ROBO1: variants seen among roughly 807,000 people sequenced by gnomAD.
ROBO1 encodes the protein roundabout guidance receptor 1.
Under a neutral mutation model 195.9 loss-of-function variants are expected in ROBO1, and 149 were observed. That is an observed-to-expected ratio of 0.76 (90% confidence interval 0.67 to 0.87). ROBO1 has a LOEUF of 0.87. ROBO1 is among the 40% of genes least tolerant of loss of function. The pLI, the probability that ROBO1 is intolerant of heterozygous loss-of-function variation, is 0.00. For missense variants in ROBO1, 1,933 were observed against 2,068.3 expected (o/e 0.93, Z 1.27); for synonymous variants, 816 against 733.2 (o/e 1.11, Z -1.82).
intron 2 of ROBO1, among the ~76,000 whole-genome samples, chr3:79,527,068 A>G (rs1941462582): frequency 1.3e-5 from 2 of 152,264 alleles, no homozygotes. Context: ...AATGAGCTTT[A>G]TGGTTGTCTG....
intron 3 of ROBO1, among the ~76,000 whole-genome samples, chr3:79,120,994 G>A (rs1451181640): frequency 6.6e-6 from 1 of 152,102 alleles, no homozygotes; most frequent in Admixed American, 6.6e-5. Context: ...GTAGCTTATA[G>A]ACACAACTCA....
rs551171790 is a variant in ROBO1 at position 79,182,996 on chromosome 3, G to A, written c.89-57457C>T. Among the ~76,000 whole-genome samples, 394 of 150,456 alleles carry A rather than the reference G, an allele frequency of 2.6e-3. 2 individuals carry two copies. The highest frequency in any genetic ancestry group is 9.2e-3 in the African/African-American group (374 of 40,862). On this transcript the variant is annotated intron_variant, in intron 2 of 30. Coordinates refer to ENST00000464233, the MANE Select transcript of ROBO1 (RefSeq NM_002941.4). Reference sequence around the variant, plus strand: ...CTCGGGAGGCTGAGGCAGGAGAATCGCTTGAACCCAGGACGCGGAGTTTGC... The same window carrying A: ...CTCGGGAGGCTGAGGCAGGAGAATCACTTGAACCCAGGACGCGGAGTTTGC...
chr3:79,093,569 C>T (rs1325035587), intron 3 of ROBO1, among the ~76,000 whole-genome samples: 2 of 152,018 alleles, frequency 1.3e-5, no homozygotes, highest in Non-Finnish European at 2.9e-5. Context: ...GATGCTGTAT[C>T]TCCTTATTGC....
At chr3:78,744,736 T>G (rs1214940503) in intron 5 of ROBO1, among the ~76,000 whole-genome samples, 1 of 152,178 alleles carries the variant, frequency 6.6e-6, no homozygotes, top group African/African-American at 2.4e-5. Context: ...TTCTCTCTAA[T>G]CAGCCTATTT....
At chr3:79,165,144 G>A (rs2081039611) in intron 2 of ROBO1, among the ~76,000 whole-genome samples, 1 of 152,130 alleles carries the variant, frequency 6.6e-6, no homozygotes, top group Non-Finnish European at 1.5e-5. Context: ...CATCCTGAGA[G>A]CCTAGAATAG....
intron 4 of ROBO1, among the ~76,000 whole-genome samples, chr3:78,849,831 T>TACACATAC (rs1553747415): frequency 0.11 from 8,732 of 79,526 alleles, 367 homozygotes; most frequent in East Asian, 0.23. Context: ...TCTCTCCCAT[T>TACACATAC]ACACACACAC....
chr3:78,998,601 T>C (rs1400673749), intron 3 of ROBO1, among the ~76,000 whole-genome samples: 1 of 152,126 alleles, frequency 6.6e-6, no homozygotes, highest in Non-Finnish European at 1.5e-5. Flanking sequence ...ACCGCTTAAG[T>C]CCTTGTTGTC....
chr3:79,581,706 A>G (rs1341747804), intron 2 of ROBO1, among the ~76,000 whole-genome samples: 1 of 152,136 alleles, frequency 6.6e-6, no homozygotes, highest in Non-Finnish European at 1.5e-5. Context: ...AATCATTTGT[A>G]ATACCACACA....
At chr3:79,721,061 G>A (rs1241346635) in intron 1 of ROBO1, among the ~76,000 whole-genome samples, 1 of 152,100 alleles carries the variant, frequency 6.6e-6, no homozygotes. Context: ...CAAAGTGCTG[G>A]GATTACAGGC....
At chr3:78,851,505 A>G (rs2034064301) in intron 4 of ROBO1, among the ~76,000 whole-genome samples, 1 of 152,180 alleles carries the variant, frequency 6.6e-6, no homozygotes, top group Non-Finnish European at 1.5e-5. Flanking sequence ...ATTATACTCC[A>G]TGGAGAGCAC....
At chr3:79,508,705 A>G (rs1395879059) in intron 2 of ROBO1, among the ~76,000 whole-genome samples, 1 of 152,210 alleles carries the variant, frequency 6.6e-6, no homozygotes, top group Non-Finnish European at 1.5e-5. Flanking sequence ...TTTTCTAATT[A>G]TCTCTGAGAA....
chr3:79,460,367 C>G (rs541891187), intron 2 of ROBO1, among the ~76,000 whole-genome samples: 1 of 152,262 alleles, frequency 6.6e-6, no homozygotes, highest in East Asian at 1.9e-4. Context: ...AACACACTTT[C>G]TCCAAACCGG....
At chr3:78,633,788 G>C in intron 24 of ROBO1, 147 bp downstream of exon 24, 1 of 452,496 alleles carries the variant, frequency 2.2e-6, no homozygotes. Context: ...CCCTCAAATT[G>C]CAGAGACAAG....
chr3:79,348,100 A>C (rs746811164), intron 2 of ROBO1, among the ~76,000 whole-genome samples: 1 of 151,610 alleles, frequency 6.6e-6, no homozygotes, highest in Non-Finnish European at 1.5e-5. Context: ...AATCCCAGTG[A>C]CTTGGGAGGC....
At chr3:79,764,346 A>G (rs1704870615) in intron 1 of ROBO1, among the ~76,000 whole-genome samples, 1 of 152,242 alleles carries the variant, frequency 6.6e-6, no homozygotes. Flanking sequence ...AGAGAGATAA[A>G]TGATTATGTG....
chr3:79,365,361 G>T (rs1457628498), intron 2 of ROBO1, among the ~76,000 whole-genome samples: 4 of 152,126 alleles, frequency 2.6e-5, no homozygotes, highest in African/African-American at 9.7e-5. Flanking sequence ...ATGTCAGCAA[G>T]CTTAACTTGG....
intron 3 of ROBO1, among the ~76,000 whole-genome samples, chr3:79,011,800 G>C (rs1342879571): frequency 6.6e-6 from 1 of 151,752 alleles, no homozygotes; most frequent in African/African-American, 2.4e-5. Flanking sequence ...TATGCTCATT[G>C]AAATTGTAAG....
chr3:79,708,949 T>A (rs556375942), intron 1 of ROBO1, among the ~76,000 whole-genome samples: 1 of 152,226 alleles, frequency 6.6e-6, no homozygotes, highest in African/African-American at 2.4e-5. Flanking sequence ...TTTTTTTTTC[T>A]TTATACCAGT....
intron 3 of ROBO1, among the ~76,000 whole-genome samples, chr3:79,029,779 A>G (rs1371585266): frequency 6.6e-6 from 1 of 152,178 alleles, no homozygotes; most frequent in Non-Finnish European, 1.5e-5. Context: ...TAGACCTGCC[A>G]TTTTCAGCCT....
Sources: gnomAD v4.1 joint callset for allele counts (sites outside exome capture counted in the v4.1 genomes callset) on GRCh38, gnomAD v4.1.1 for gene constraint, MANE v1.5 for transcripts, NCBI Gene and HGNC (gene_info 2026-07-23, HGNC 2026-07-21) for gene names.